The following MKLN1 variants were observed in gnomAD, a reference collection of about 807,000 sequenced individuals.
MKLN1 encodes muskelin.
Under a neutral mutation model 99.0 loss-of-function variants are expected in MKLN1, and 18 were observed. That is an observed-to-expected ratio of 0.18 (90% CI 0.13 to 0.27). MKLN1 has a LOEUF of 0.27. MKLN1 is among the 10% of genes least tolerant of loss of function. The pLI is 1.00. For missense variants in MKLN1, 621 were observed against 875.9 expected (o/e 0.71, Z 3.67); for synonymous variants, 288 against 293.2 (o/e 0.98, Z 0.18).
chr7:131,330,629 G>T (rs77502594), intron 1 of MKLN1, among the ~76,000 whole-genome samples: 1 of 152,016 alleles, frequency 6.6e-6, no homozygotes, highest in Admixed American at 6.6e-5. Flanking sequence ...CTGCACAAAG[G>T]TATATATAGT....
intron 3 of MKLN1, among the ~76,000 whole-genome samples, chr7:131,277,362 C>T (rs1230024140): frequency 6.6e-6 from 1 of 151,734 alleles, no homozygotes; most frequent in Non-Finnish European, 1.5e-5. Context: ...TGGCTCATTG[C>T]AACCTCCGCC....
chr7:131,382,330 A>G (rs1331529248), intron 2 of MKLN1, among the ~76,000 whole-genome samples: 1 of 151,978 alleles, frequency 6.6e-6, no homozygotes, highest in Non-Finnish European at 1.5e-5. Flanking sequence ...TTGCCACTGC[A>G]CTCCAGCCAG....
At chr7:131,290,592 G>T (rs920618607) in intron 3 of MKLN1, among the ~76,000 whole-genome samples, 3 of 152,226 alleles carry the variant, frequency 2.0e-5, no homozygotes, top group Non-Finnish European at 4.4e-5. Context: ...TTTGAAGATT[G>T]ATTTCTAAAT....
At chr7:131,331,862 A>G (rs747491439) in intron 1 of MKLN1, among the ~76,000 whole-genome samples, 10 of 152,350 alleles carry the variant, frequency 6.6e-5, no homozygotes, top group South Asian at 2.1e-4. Context: ...TATTTTTTAC[A>G]TATTAGGTAA....
chr7:131,165,074 C>T (rs758075193), intron 2 of MKLN1, among the ~76,000 whole-genome samples: 1 of 152,062 alleles, frequency 6.6e-6, no homozygotes, highest in Non-Finnish European at 1.5e-5. Flanking sequence ...AACATCATTC[C>T]AGCCAGGGAG....
At chr7:131,254,616 C>T (rs917915346) in intron 3 of MKLN1, among the ~76,000 whole-genome samples, 4 of 151,362 alleles carry the variant, frequency 2.6e-5, no homozygotes, top group Admixed American at 2.0e-4. Context: ...TAAAAAAGAA[C>T]CTAATAGAAA....
At chr7:131,261,557 A>G (rs150655863) in intron 3 of MKLN1, among the ~76,000 whole-genome samples, 1 of 152,236 alleles carries the variant, frequency 6.6e-6, no homozygotes, top group Non-Finnish European at 1.5e-5. Flanking sequence ...AATGTAAATT[A>G]GTTCACCCAT....
At chr7:131,385,179 G>T (rs950882823) in intron 2 of MKLN1, among the ~76,000 whole-genome samples, 1 of 152,176 alleles carries the variant, frequency 6.6e-6, no homozygotes, top group Non-Finnish European at 1.5e-5. Flanking sequence ...CCAGGTTGTA[G>T]TGTGTGTCAG....
chr7:131,246,377 A>G (rs1002593215), intron 3 of MKLN1, among the ~76,000 whole-genome samples: 2 of 152,200 alleles, frequency 1.3e-5, no homozygotes, highest in African/African-American at 4.8e-5. Flanking sequence ...TAGGACAAGA[A>G]AAAGGGCCCA....
Position 131,429,077 on chromosome 7 carries a change from G to T in MKLN1, c.892G>T (p.Ala298Ser). Reference sequence around the variant, plus strand: ...TGGCTGGGATGGAACACAAGATCTTGCTGACTTCTGGGCGTACAGTGTGAA... The same window carrying T: ...TGGCTGGGATGGAACACAAGATCTTTCTGACTTCTGGGCGTACAGTGTGAA... Reference protein sequence around the residue: ...FGGWDGTQDLADFWAYSVKEN... With the variant: ...FGGWDGTQDLSDFWAYSVKEN... The change falls in exon 9 of 18, where the codon GCT (alanine) becomes TCT (serine). Residue 298 changes from alanine to serine, a missense_variant. This residue lies in a region of MKLN1 where 361 missense variants were observed against 540.8 expected (regional missense o/e 0.67). Coordinates refer to ENST00000352689, the MANE Select transcript of MKLN1 (RefSeq NM_013255.5). The T allele has an allele frequency of 2.5e-6, 4 of 1,613,828 alleles. No individual in the cohort carries two copies. The highest frequency in any genetic ancestry group is 3.4e-6 in the Non-Finnish European group (4 of 1,179,924).
At chr7:131,335,819 G>C (rs1166107021) in intron 1 of MKLN1, among the ~76,000 whole-genome samples, 1 of 151,450 alleles carries the variant, frequency 6.6e-6, no homozygotes, top group African/African-American at 2.4e-5. Flanking sequence ...AATAGTTTCA[G>C]ACCTTTATTG....
intron 1 of MKLN1, among the ~76,000 whole-genome samples, chr7:131,113,131 CAG>C (rs1374251263): frequency 6.6e-6 from 1 of 152,200 alleles, no homozygotes; most frequent in Non-Finnish European, 1.5e-5. Context: ...ATGATATCAA[CAG>C]GGGAGCTCAT....
chr7:131,397,018 G>A (rs1171853972), intron 4 of MKLN1, among the ~76,000 whole-genome samples: 4 of 152,106 alleles, frequency 2.6e-5, no homozygotes, highest in Non-Finnish European at 5.9e-5. Context: ...GCATTTATTT[G>A]GGGGTAGACA....
intron 9 of MKLN1, among the ~76,000 whole-genome samples, chr7:131,431,215 CTG>C: frequency 6.6e-6 from 1 of 150,544 alleles, no homozygotes; most frequent in Non-Finnish European, 1.5e-5. Context: ...GAGTGAGACT[CTG>C]TCTCAAAAAA....
intron 1 of MKLN1, among the ~76,000 whole-genome samples, chr7:131,353,815 T>A (rs1254814316): frequency 6.6e-6 from 1 of 151,776 alleles, no homozygotes; most frequent in South Asian, 2.1e-4. Context: ...GGTCAATTTT[T>A]TTTTTTTGGC....
chr7:131,135,976 G>C (rs4728210), intron 1 of MKLN1, among the ~76,000 whole-genome samples: 2 of 152,154 alleles, frequency 1.3e-5, no homozygotes, highest in Non-Finnish European at 2.9e-5. Flanking sequence ...AAAGCTTTGC[G>C]TAAGTGACAA....
At chr7:131,174,973 AGATAGAT>A (rs1796272213) in intron 2 of MKLN1, among the ~76,000 whole-genome samples, 1 of 149,902 alleles carries the variant, frequency 6.7e-6, no homozygotes, top group African/African-American at 2.5e-5. Context: ...ATAGATAGAT[AGATAGAT>A]AGATAGATAG....
At chr7:131,485,937 C>A (rs1417525322) in intron 17 of MKLN1, among the ~76,000 whole-genome samples, 1 of 151,942 alleles carries the variant, frequency 6.6e-6, no homozygotes, top group Non-Finnish European at 1.5e-5. Context: ...ATTGGGACAT[C>A]AATGTTAAAT....
At chr7:131,270,934 G>A (rs564602085) in intron 3 of MKLN1, among the ~76,000 whole-genome samples, 1 of 150,316 alleles carries the variant, frequency 6.7e-6, no homozygotes, top group African/African-American at 2.5e-5. Context: ...ATCATTCATT[G>A]ATTCTTTCAT....
Sources: gnomAD v4.1 joint callset for allele counts (sites outside exome capture counted in the v4.1 genomes callset) on GRCh38, gnomAD v4.1.1 for gene constraint, gnomAD v4.1.1 regional missense constraint, MANE v1.5 for transcripts, NCBI Gene and HGNC (gene_info 2026-07-23, HGNC 2026-07-21) for gene names.